SYT1: variants seen among roughly 807,000 people sequenced by gnomAD.
SYT1 encodes the protein synaptotagmin-1.
Under a neutral mutation model 44.8 loss-of-function variants are expected in SYT1, and 8 were observed. That is an observed-to-expected ratio of 0.18 (90% confidence interval 0.10 to 0.32). The LOEUF (loss-of-function observed/expected upper bound fraction) is 0.32. SYT1 is among the 10% of genes least tolerant of loss of function. The pLI, the probability that SYT1 is intolerant of heterozygous loss-of-function variation, is 1.00. For synonymous variants in SYT1, 154 were observed against 188.8 expected (o/e 0.82, Z 1.51); for missense variants, 286 against 509.3 (o/e 0.56, Z 4.22).
intron 3 of SYT1, among the ~76,000 whole-genome samples, chr12:79,116,148 A>G (rs1372953774): frequency 6.6e-6 from 1 of 152,208 alleles, no homozygotes; most frequent in East Asian, 1.9e-4. Flanking sequence ...AGGTTAGAGT[A>G]GGATTAGTTG....
At chr12:79,446,008 T>TACATATATATATATATATATATATATAC (rs1565961462) in intron 10 of SYT1, among the ~76,000 whole-genome samples, 2 of 116,686 alleles carry the variant, frequency 1.7e-5, no homozygotes, top group African/African-American at 6.8e-5. Context: ...TATATATATA[T>TACATATATATATATATATATATATATAC]ATATATATAT....
At chr12:79,222,830 T>G (rs533488058) in intron 4 of SYT1, among the ~76,000 whole-genome samples, 1 of 152,188 alleles carries the variant, frequency 6.6e-6, no homozygotes, top group Non-Finnish European at 1.5e-5. Flanking sequence ...TATTTTTAAA[T>G]AGGCTGTCTT....
intron 9 of SYT1, among the ~76,000 whole-genome samples, chr12:79,356,405 G>C (rs1883114293): frequency 6.6e-6 from 1 of 151,888 alleles, no homozygotes; most frequent in Non-Finnish European, 1.5e-5. Context: ...CTCAGTGATG[G>C]GTAGCACTAA....
chr12:79,177,259 A>C (rs1871946187), intron 3 of SYT1, among the ~76,000 whole-genome samples: 1 of 74,600 alleles, frequency 1.3e-5, no homozygotes. Flanking sequence ...ATGTGATCTC[A>C]TTGTTCAATT....
intron 4 of SYT1, among the ~76,000 whole-genome samples, chr12:79,264,296 C>T (rs1204785437): frequency 6.6e-6 from 1 of 151,848 alleles, no homozygotes; most frequent in East Asian, 1.9e-4. Context: ...TCTCCTGCCT[C>T]AGCCTCTCGA....
At chr12:79,351,497 C>A (rs540592064) in intron 8 of SYT1, among the ~76,000 whole-genome samples, 1 of 151,804 alleles carries the variant, frequency 6.6e-6, no homozygotes, top group Non-Finnish European at 1.5e-5. Context: ...ACAATCAGTT[C>A]CCCAAGGAGG....
intron 4 of SYT1, among the ~76,000 whole-genome samples, chr12:79,249,130 C>T (rs1877033918): frequency 9.6e-6 from 1 of 104,558 alleles, no homozygotes; most frequent in Non-Finnish European, 1.8e-5. Context: ...CGGAGTCTCG[C>T]TCTGTCGCCC....
At chr12:79,043,563 G>T (rs1335413119) in intron 2 of SYT1, among the ~76,000 whole-genome samples, 9 of 150,970 alleles carry the variant, frequency 6.0e-5, no homozygotes, top group Non-Finnish European at 1.3e-4. Flanking sequence ...ACACTGATGG[G>T]TCTTGACTCT....
intron 1 of SYT1, among the ~76,000 whole-genome samples, chr12:78,879,720 GC>G (rs1430721440): frequency 6.6e-6 from 1 of 151,708 alleles, no homozygotes; most frequent in Non-Finnish European, 1.5e-5. Flanking sequence ...AAATCAACTT[GC>G]CTTCTCAAAT....
chr12:79,008,749 TC>T, intron 2 of SYT1, among the ~76,000 whole-genome samples: 1 of 152,226 alleles, frequency 6.6e-6, no homozygotes, highest in South Asian at 2.1e-4. Context: ...CTCAGCCACC[TC>T]CCTTTGCTTA....
intron 9 of SYT1, among the ~76,000 whole-genome samples, chr12:79,390,462 T>A (rs1008127698): frequency 1.3e-5 from 2 of 152,164 alleles, no homozygotes; most frequent in Admixed American, 6.5e-5. Context: ...ACAATTTTTT[T>A]AAAAGGATAA....
chr12:79,332,455 T>A (rs1881896984), intron 8 of SYT1, among the ~76,000 whole-genome samples: 1 of 152,220 alleles, frequency 6.6e-6, no homozygotes, highest in Non-Finnish European at 1.5e-5. Context: ...TACTTAGAGA[T>A]GATCTTGACT....
intron 4 of SYT1, among the ~76,000 whole-genome samples, chr12:79,271,167 T>C (rs182522283): frequency 1.9e-4 from 29 of 152,322 alleles, no homozygotes; most frequent in Admixed American, 1.8e-3. Flanking sequence ...TTGGTGAAGA[T>C]TTCATCTTTG....
At chr12:79,257,612 C>T (rs1322586144) in intron 4 of SYT1, among the ~76,000 whole-genome samples, 2 of 151,948 alleles carry the variant, frequency 1.3e-5, no homozygotes, top group East Asian at 1.9e-4. Context: ...CTCAGCCTCC[C>T]GAGTAGCTGG....
At chr12:79,129,787 C>T (rs574424147) in intron 3 of SYT1, among the ~76,000 whole-genome samples, 111 of 152,076 alleles carry the variant, frequency 7.3e-4, no homozygotes, top group African/African-American at 2.5e-3. Context: ...GGGGAGGAGG[C>T]GGTGGCTTTT....
chr12:79,112,931 C>T (rs1879091829), intron 3 of SYT1, among the ~76,000 whole-genome samples: 1 of 151,964 alleles, frequency 6.6e-6, no homozygotes. Flanking sequence ...AGAGTGCAGA[C>T]AAAGGAAAGG....
chr12:79,210,049 A>T (rs777897322), intron 3 of SYT1, among the ~76,000 whole-genome samples: 8 of 152,228 alleles, frequency 5.3e-5, no homozygotes, highest in Non-Finnish European at 8.8e-5. Context: ...TCTAAAAATC[A>T]TGATGCTATT....
At chr12:79,189,147 C>G (rs1365185654) in intron 3 of SYT1, among the ~76,000 whole-genome samples, 1 of 152,152 alleles carries the variant, frequency 6.6e-6, no homozygotes. Flanking sequence ...CCATCCCTTT[C>G]TGAATGTTAT....
At chr12:78,901,074 G>A (rs61929178) in intron 1 of SYT1, among the ~76,000 whole-genome samples, 1,633 of 152,024 alleles carry the variant, frequency 0.011, 13 homozygotes, top group East Asian at 0.035. Context: ...AAACTTGTAT[G>A]GATATGTATC....
Sources: gnomAD v4.1 joint callset for allele counts (sites outside exome capture counted in the v4.1 genomes callset) on GRCh38, gnomAD v4.1.1 for gene constraint, MANE v1.5 for transcripts, NCBI Gene and HGNC (gene_info 2026-07-23, HGNC 2026-07-21) for gene names.